The following ATP12A variants were observed in gnomAD, a reference collection of about 807,000 sequenced individuals.
ATP12A encodes ATPase H+/K+ transporting non-gastric alpha2 subunit, also known as potassium-transporting ATPase alpha chain 2.
Under a neutral mutation model 111.2 loss-of-function variants are expected in ATP12A, and 81 were observed. That is an observed-to-expected ratio of 0.73 (90% CI 0.61 to 0.88). ATP12A has a LOEUF of 0.88. Among genes scored for constraint, ATP12A ranks in the 40% least tolerant of loss-of-function variants. The pLI, the probability that ATP12A is intolerant of heterozygous loss-of-function variation, is 0.00. For synonymous variants in ATP12A, 498 were observed against 499.8 expected (o/e 1.00, Z 0.05); for missense variants, 1,196 against 1,313.1 (o/e 0.91, Z 1.38).
intron 12 of ATP12A, among the ~76,000 whole-genome samples, chr13:24,700,171 G>C (rs1347260541): frequency 6.6e-6 from 1 of 152,180 alleles, no homozygotes; most frequent in East Asian, 1.9e-4. Flanking sequence ...CTGAGAAAAG[G>C]ATGGCTCGGC....
intron 7 of ATP12A, 62 bp downstream of exon 7, chr13:24,690,783 T>C (rs1385779145): frequency 7.9e-6 from 12 of 1,520,126 alleles, no homozygotes; most frequent in Non-Finnish European, 1.1e-5. Context: ...TCCTGGGCTC[T>C]CAGGTCTGTC....
intron 14 of ATP12A, 75 bp from the exon 15 acceptor site, chr13:24,706,238 A>G (rs1875625551): frequency 1.3e-6 from 2 of 1,555,724 alleles, no homozygotes; most frequent in East Asian, 2.3e-5. Context: ...GGCTTCAGCC[A>G]GCATCCTGCC....
intron 14 of ATP12A, among the ~76,000 whole-genome samples, chr13:24,705,745 C>T (rs555290404): frequency 1.3e-5 from 2 of 152,278 alleles, no homozygotes; most frequent in Non-Finnish European, 2.9e-5. Flanking sequence ...TCATGGCTCA[C>T]TGCAGCCTCA....
intron 2 of ATP12A, among the ~76,000 whole-genome samples, chr13:24,682,401 A>ACGTGTGTGTGTGTGTGTGTGTG (rs1555253823): frequency 5.3e-5 from 7 of 131,138 alleles, no homozygotes; most frequent in African/African-American, 8.8e-5. Context: ...TGGTGTGTGT[A>ACGTGTGTGTGTGTGTGTGTGTG]TGTGTGTGTG....
intron 20 of ATP12A, 97 bp downstream of exon 20, chr13:24,710,690 G>T: frequency 1.9e-6 from 3 of 1,604,390 alleles, no homozygotes; most frequent in Non-Finnish European, 2.6e-6. Context: ...GGCCACACTT[G>T]TAACCCCAGA....
At chr13:24,689,618 T>C (rs545179394) in intron 5 of ATP12A, among the ~76,000 whole-genome samples, 1 of 152,202 alleles carries the variant, frequency 6.6e-6, no homozygotes, top group Non-Finnish European at 1.5e-5. Context: ...TCCTCAGTGT[T>C]TGTGGATAGT....
chr13:24,712,455 A>T lies in ATP12A; in HGVS notation c.*933A>T, dbSNP rs2137728585. The T allele has an allele frequency of 6.6e-6, 1 of 152,324 alleles. No homozygotes were observed. Among genetic ancestry groups the T allele is most frequent in the South Asian group, 2.1e-4 (1 of 4,816 alleles). 9.4% of individuals were successfully genotyped at this position (152,324 alleles called of 1,614,324 possible). A position where few individuals can be genotyped will look rare whatever the true frequency, so the allele number is the denominator to read the frequency against. Reference sequence around the variant, plus strand: ...CGGAAAGGCCTCATTTTTAACTAAAAGATGTTTTATAAACCCAGGTTTAAT... The same window carrying T: ...CGGAAAGGCCTCATTTTTAACTAAATGATGTTTTATAAACCCAGGTTTAAT... On this transcript the variant is annotated 3_prime_UTR_variant, in exon 23 of 23. Coordinates refer to ENST00000381946, the MANE Select transcript of ATP12A (RefSeq NM_001676.7).
Position 24,711,885 on chromosome 13 carries a change from G to T in ATP12A, c.*363G>T. ...CTTAAGCTCTAGCTAGGATTGCTCA[G>T]AACTCCTTTCCACACCCTATTAAAG... On this transcript the variant is annotated 3_prime_UTR_variant, in exon 23 of 23. Coordinates refer to ENST00000381946, the MANE Select transcript of ATP12A (RefSeq NM_001676.7). 3.3e-6 allele frequency: 1 copy of T among 302,122 alleles called. No individual in the cohort carries two copies. Among genetic ancestry groups the T allele is most frequent in the Non-Finnish European group, 6.3e-6 (1 of 159,982 alleles). The allele number at this position is 302,122 out of a possible 1,614,324, so 18.7% of individuals were successfully genotyped here. A position where few individuals can be genotyped will look rare whatever the true frequency, so the allele number is the denominator to read the frequency against.
rs771710901 is a variant in ATP12A, at chr13:24,694,535, G to T, written c.1469G>T (p.Arg490Leu). The T allele has an allele frequency of 2.5e-6, 4 of 1,613,796 alleles. No homozygotes were observed. Among genetic ancestry groups the T allele is most frequent in the Middle Eastern group, 1.7e-4 (1 of 5,812 alleles). ...GTGATGGAAATTAGAAAAAGAAACC[G>T]CAAAGTAGCTGAAATCCCTTTTAAC... The part of the protein sequence containing the change: ...GDVMEIRKRN[R>L]KVAEIPFNST... The change falls in exon 11 of 23, where the codon CGC (arginine) becomes CTC (leucine). Residue 490 changes from arginine (R) to leucine (L), a missense_variant. By Grantham distance (102) the Arg-to-Leu change is moderately radical. Transcript: ENST00000381946.
At chr13:24,683,675 C>T (rs1056037767) in intron 2 of ATP12A, among the ~76,000 whole-genome samples, 1 of 152,164 alleles carries the variant, frequency 6.6e-6, no homozygotes, top group Admixed American at 6.6e-5. Flanking sequence ...CCCAGTGTAA[C>T]TGAAGTTCAG....
Position 24,689,297 on chromosome 13 carries a change from T to G in ATP12A, c.468T>G (p.Ile156Met), listed in dbSNP as rs761277410. 6.2e-7 allele frequency: 1 copy of G among 1,614,020 alleles called. No individual in the cohort carries two copies. The highest frequency in any genetic ancestry group is 8.5e-7 in the Non-Finnish European group (1 of 1,179,998). ...GCTGTGTGCTTGGTCTGGTGGTCAT[T>G]TTAACGGGGATCTTTGCTTATTACC... is the stretch of plus-strand genomic sequence containing the variant. ...YLGCVLGLVV[I>M]LTGIFAYYQE... The change falls in exon 5 of 23, where the codon ATT becomes ATG. Residue 156 changes from isoleucine to methionine, a missense_variant. Coordinates refer to ENST00000381946, the MANE Select transcript of ATP12A (RefSeq NM_001676.7).
chr13:24,708,995 C>A, intron 17 of ATP12A, among the ~76,000 whole-genome samples: 1 of 148,166 alleles, frequency 6.7e-6, no homozygotes, highest in African/African-American at 2.5e-5. Context: ...TGCAAATTCT[C>A]TGGCCCCAGC....
At position 24,709,498 on chromosome 13, in the gene ATP12A, G is replaced by A. The variant is rs1469823860; in HGVS notation, c.2617+11G>A. The A allele has an allele frequency of 6.2e-7, 1 of 1,611,732 alleles. No homozygotes were observed. On this transcript the variant is annotated intron_variant, in intron 18 of 22. Coordinates refer to ENST00000381946, the MANE Select transcript of ATP12A (RefSeq NM_001676.7). ...CATACCTGCACATTGGTACGATGAG[G>A]GCGCGTCTTCCCCATCACACGAGGG... is the stretch of plus-strand genomic sequence containing the variant.
intron 13 of ATP12A, among the ~76,000 whole-genome samples, chr13:24,701,501 C>CAAAAA (rs10586421): frequency 1.2e-4 from 12 of 101,340 alleles, no homozygotes; most frequent in African/African-American, 2.6e-4. Context: ...AACTCTGTCT[C>CAAAAA]AAAAAAAAAA....
chr13:24,682,959 C>CTTTT (rs34361489), intron 2 of ATP12A, among the ~76,000 whole-genome samples: 1 of 139,040 alleles, frequency 7.2e-6, no homozygotes, highest in Non-Finnish European at 1.6e-5. Context: ...TAAAACTAGC[C>CTTTT]TTTTTTTTTT....
intron 15 of ATP12A, 37 bp from the exon 16 acceptor site, chr13:24,706,986 G>T (rs761839048): frequency 4.2e-5 from 65 of 1,559,228 alleles, no homozygotes; most frequent in Non-Finnish European, 5.5e-5. Context: ...CACTGGGCCT[G>T]CTCACTCCCA....
At chr13:24,700,375 G>A (rs759441925) in intron 12 of ATP12A, among the ~76,000 whole-genome samples, 6 of 152,116 alleles carry the variant, frequency 3.9e-5, no homozygotes, top group Non-Finnish European at 8.8e-5. Context: ...ACCTCCTTGG[G>A]GAAGTCTCTC....
intron 19 of ATP12A, among the ~76,000 whole-genome samples, 197 bp from the exon 20 acceptor site, chr13:24,710,263 T>C (rs573558612): frequency 6.6e-6 from 1 of 152,274 alleles, no homozygotes; most frequent in African/African-American, 2.4e-5. Context: ...GTAATGATAA[T>C]TTTTTAAAAA....
Position 24,680,483 on chromosome 13 carries a change from C to G in ATP12A, c.-261C>G, listed in dbSNP as rs1874384535. On this transcript the variant is annotated 5_prime_UTR_variant, in exon 1 of 23. Coordinates refer to ENST00000381946, the MANE Select transcript of ATP12A (RefSeq NM_001676.7). ...GCGCGCCGGCGGGTTTCCTACCCTCCGAGGCGTCCGCTGGCCTGCGCCCTG... is the reference window on the plus strand; with the variant it reads ...GCGCGCCGGCGGGTTTCCTACCCTCGGAGGCGTCCGCTGGCCTGCGCCCTG... 4 of 448,408 alleles carry G rather than the reference C, an allele frequency of 8.9e-6. No homozygotes were observed. Among genetic ancestry groups the G allele is most frequent in the Admixed American group, 4.6e-5 (1 of 21,852 alleles). 27.8% of individuals were successfully genotyped at this position (448,408 alleles called of 1,614,324 possible). A position where few individuals can be genotyped will look rare whatever the true frequency, so the allele number is the denominator to read the frequency against.
Sources: gnomAD v4.1 joint callset for allele counts (sites outside exome capture counted in the v4.1 genomes callset) on GRCh38, gnomAD v4.1.1 for gene constraint, MANE v1.5 for transcripts, NCBI Gene and HGNC (gene_info 2026-07-23, HGNC 2026-07-21) for gene names.